NEGR1: variants seen among roughly 807,000 people sequenced by gnomAD.
NEGR1 encodes the protein IgLON family member 4.
Under a neutral mutation model 40.9 loss-of-function variants are expected in NEGR1, and 10 were observed. The observed-to-expected ratio is 0.24, with a 90% CI of 0.15 to 0.42. The LOEUF is 0.42. Ranked by LOEUF, NEGR1 falls within the 10% of genes least tolerant of loss-of-function variation. The pLI is 1.00. For missense variants in NEGR1, 352 were observed against 438.9 expected (o/e 0.80, Z 1.77); for synonymous variants, 185 against 166.8 (o/e 1.11, Z -0.84).
intron 1 of NEGR1, among the ~76,000 whole-genome samples, chr1:72,140,758 C>T (rs188415958): frequency 1.4e-3 from 215 of 151,714 alleles, no homozygotes; most frequent in Middle Eastern, 6.8e-3. Context: ...CAAAATTATA[C>T]GTATGTAATT....
At chr1:71,562,902 G>A (rs1432029350) in intron 6 of NEGR1, among the ~76,000 whole-genome samples, 1 of 151,932 alleles carries the variant, frequency 6.6e-6, no homozygotes, top group Non-Finnish European at 1.5e-5. Context: ...TCTCATGGCA[G>A]AGGGAAAGTC....
intron 5 of NEGR1, among the ~76,000 whole-genome samples, chr1:71,609,662 C>T (rs991504036): frequency 6.7e-6 from 1 of 148,412 alleles, no homozygotes; most frequent in Admixed American, 6.7e-5. Flanking sequence ...AAAAAAATAC[C>T]TGCTTGCATC....
chr1:71,669,328 A>G (rs916216093), intron 4 of NEGR1, among the ~76,000 whole-genome samples: 1 of 152,052 alleles, frequency 6.6e-6, no homozygotes, highest in African/African-American at 2.4e-5. Flanking sequence ...CTTTTAATGT[A>G]TATAATAAAA....
chr1:72,130,853 G>A (rs531741006), intron 1 of NEGR1, among the ~76,000 whole-genome samples: 1 of 151,916 alleles, frequency 6.6e-6, no homozygotes, highest in Non-Finnish European at 1.5e-5. Context: ...CTGTTAATGA[G>A]TACAAACTTT....
At chr1:71,598,679 GTATA>G (rs1267642335) in intron 5 of NEGR1, among the ~76,000 whole-genome samples, 1 of 152,148 alleles carries the variant, frequency 6.6e-6, no homozygotes, top group Non-Finnish European at 1.5e-5. Context: ...TCCTCATAGT[GTATA>G]TGTAGAATAT....
intron 6 of NEGR1, among the ~76,000 whole-genome samples, chr1:71,520,631 T>C (rs1336724299): frequency 6.6e-6 from 1 of 152,062 alleles, no homozygotes; most frequent in African/African-American, 2.4e-5. Context: ...TTTAAGTCTT[T>C]GCTCTTTACA....
intron 1 of NEGR1, among the ~76,000 whole-genome samples, chr1:72,190,161 A>G (rs2100427161): frequency 6.6e-6 from 1 of 151,640 alleles, no homozygotes; most frequent in Middle Eastern, 3.4e-3. Context: ...ATTAATCACA[A>G]CTTGATAAGT....
intron 1 of NEGR1, among the ~76,000 whole-genome samples, chr1:72,101,945 G>C (rs1648963827): frequency 6.6e-6 from 1 of 152,038 alleles, no homozygotes; most frequent in Non-Finnish European, 1.5e-5. Flanking sequence ...ATACATGTTA[G>C]TTCTTTACAT....
intron 2 of NEGR1, among the ~76,000 whole-genome samples, chr1:71,778,123 G>T (rs1656574239): frequency 6.6e-6 from 1 of 151,894 alleles, no homozygotes; most frequent in African/African-American, 2.4e-5. Context: ...ATATTTAGTT[G>T]TAGGTATAGG....
chr1:72,143,914 A>T (rs550223280), intron 1 of NEGR1, among the ~76,000 whole-genome samples: 64 of 130,600 alleles, frequency 4.9e-4, no homozygotes, highest in East Asian at 4.1e-3. Flanking sequence ...TGATATATAT[A>T]ATATATATAT....
intron 2 of NEGR1, among the ~76,000 whole-genome samples, chr1:71,859,182 C>T (rs1181964925): frequency 6.6e-6 from 1 of 152,046 alleles, no homozygotes. Flanking sequence ...TCTTTGACCT[C>T]CTACTTCTCT....
At chr1:72,103,360 A>T (rs960742581) in intron 1 of NEGR1, among the ~76,000 whole-genome samples, 8 of 152,060 alleles carry the variant, frequency 5.3e-5, no homozygotes, top group African/African-American at 1.9e-4. Flanking sequence ...ATGTTGACAG[A>T]GCATAATTAA....
chr1:72,282,173 T>C (rs1656280719), intron 1 of NEGR1, 146 bp downstream of exon 1: 3 of 989,598 alleles, frequency 3.0e-6, no homozygotes, highest in Non-Finnish European at 4.4e-6. Context: ...CCGGGAAGAA[T>C]CTGCACCTGG....
chr1:72,236,418 C>G (rs956413184), intron 1 of NEGR1, among the ~76,000 whole-genome samples: 2 of 151,186 alleles, frequency 1.3e-5, no homozygotes, highest in Admixed American at 1.3e-4. Context: ...TATCCCAGAA[C>G]TTAAAGTATA....
At chr1:71,710,963 T>C (rs1456534683) in intron 3 of NEGR1, among the ~76,000 whole-genome samples, 2 of 152,130 alleles carry the variant, frequency 1.3e-5, no homozygotes, top group African/African-American at 4.8e-5. Context: ...TTATTTTGCA[T>C]TGCATGTCTG....
intron 1 of NEGR1, among the ~76,000 whole-genome samples, chr1:72,034,653 G>C (rs1557493780): frequency 6.6e-6 from 1 of 152,136 alleles, no homozygotes; most frequent in Non-Finnish European, 1.5e-5. Context: ...CTCATTAATA[G>C]GTCACAAAAG....
chr1:72,206,443 A>C (rs1653401225), intron 1 of NEGR1, among the ~76,000 whole-genome samples: 1 of 152,094 alleles, frequency 6.6e-6, no homozygotes, highest in East Asian at 1.9e-4. Flanking sequence ...CAGGATGTTA[A>C]AGTGCTTCAT....
At chr1:72,239,316 C>G (rs539364679) in intron 1 of NEGR1, among the ~76,000 whole-genome samples, 132 of 151,892 alleles carry the variant, frequency 8.7e-4, no homozygotes, top group Non-Finnish European at 1.4e-3. Flanking sequence ...GAAAACAAGA[C>G]ATAATCTTCA....
At chr1:72,022,300 T>C (rs1307737600) in intron 1 of NEGR1, among the ~76,000 whole-genome samples, 58 of 116,896 alleles carry the variant, frequency 5.0e-4, no homozygotes, top group East Asian at 1.1e-3. Context: ...TATATATATA[T>C]ACACGAATAT....
Sources: gnomAD v4.1 joint callset for allele counts (sites outside exome capture counted in the v4.1 genomes callset) on GRCh38, gnomAD v4.1.1 for gene constraint, MANE v1.5 for transcripts, NCBI Gene and HGNC (gene_info 2026-07-23, HGNC 2026-07-21) for gene names.